The following SLC35B4 variants were observed in gnomAD, a reference collection of about 807,000 sequenced individuals.
The protein encoded by SLC35B4 is nucleotide sugar transporter SLC35B4.
SLC35B4 carries 28 observed loss-of-function variants against 39.5 expected under a neutral mutation model. The ratio of observed to expected loss-of-function variants is 0.71; its 90% confidence interval spans 0.53 to 0.97. SLC35B4 has a LOEUF of 0.97. Ranked by LOEUF, SLC35B4 falls within the 50% of genes least tolerant of loss-of-function variation. The probability of loss-of-function intolerance (pLI) is 0.00; values close to 1 mark genes in which losing one functional copy is unlikely to be tolerated. For missense variants in SLC35B4, 334 were observed against 414.3 expected, an observed-to-expected ratio of 0.81 and a Z score of 1.68; for synonymous variants, 145 against 150.4, an observed-to-expected ratio of 0.96 and a Z score of 0.26.
Position 134,316,756 on chromosome 7 carries a change from G to A in SLC35B4, c.-5C>T, listed in dbSNP as rs747829124. The A allele has an allele frequency of 1.9e-6, 3 of 1,547,594 alleles. No homozygotes were observed. The highest frequency in any genetic ancestry group is 1.4e-5 in the African/African-American group (1 of 73,038). On this transcript the variant is annotated 5_prime_UTR_variant, in exon 1 of 10. Coordinates refer to ENST00000378509, the MANE Select transcript of SLC35B4 (RefSeq NM_032826.5). ...CACCGCCAAGGCCGGGCGCATGGCC[G>A]GTGCAGGGTTGGGGAAGCAAGCGCA...
chr7:134,292,208 A>G lies in SLC35B4; in HGVS notation c.*2625T>C, dbSNP rs989317852. Reference sequence around the variant, plus strand: ...TTATTTGTCTTTTTAATAAAGGTTGAAAAAATGTCCACCCTGGATTAAAAA... The same window carrying G: ...TTATTTGTCTTTTTAATAAAGGTTGGAAAAATGTCCACCCTGGATTAAAAA... On this transcript the variant is annotated 3_prime_UTR_variant, in exon 10 of 10. Transcript: ENST00000378509. The G allele has an allele frequency of 5.8e-5, 9 of 154,532 alleles. No homozygotes were observed. Among genetic ancestry groups the G allele is most frequent in the Non-Finnish European group, 1.2e-4 (8 of 68,210 alleles). The allele number at this position is 154,532 out of a possible 1,614,324, so 9.6% of individuals were successfully genotyped here.
upstream of SLC35B4, among the ~76,000 whole-genome samples, chr7:134,318,785 G>GA (rs1211167667): frequency 6.6e-6 from 1 of 152,080 alleles, no homozygotes; most frequent in African/African-American, 2.4e-5. Context: ...GATTGCACAA[G>GA]AAAAAAATGG....
chr7:134,311,200 G>A (rs1042857142), intron 1 of SLC35B4, among the ~76,000 whole-genome samples: 1 of 152,200 alleles, frequency 6.6e-6, no homozygotes, highest in African/African-American at 2.4e-5. Flanking sequence ...AAGGCTAAAT[G>A]CAGGAATCCA....
chr7:134,314,573 T>C (rs569208001), intron 1 of SLC35B4, among the ~76,000 whole-genome samples: 2 of 152,334 alleles, frequency 1.3e-5, no homozygotes, highest in South Asian at 4.1e-4. Context: ...TCTTGCACTG[T>C]TGCCCAGGCT....
chr7:134,303,465 GTATA>G (rs10555619), intron 4 of SLC35B4, among the ~76,000 whole-genome samples: 1 of 150,894 alleles, frequency 6.6e-6, no homozygotes, highest in South Asian at 2.1e-4. Flanking sequence ...ACCATCATAT[GTATA>G]TATATATATA....
chr7:134,291,555 A>G lies in SLC35B4; in HGVS notation c.*3278T>C, dbSNP rs1214231826. Reference sequence around the variant, plus strand: ...TAGAATCCTTGAAAAACATCACGCCATCTTTCCAGAAGAAGAGAAGAGGTT... The same window carrying G: ...TAGAATCCTTGAAAAACATCACGCCGTCTTTCCAGAAGAAGAGAAGAGGTT... On this transcript the variant is annotated 3_prime_UTR_variant, in exon 10 of 10. Coordinates refer to ENST00000378509, the MANE Select transcript of SLC35B4 (RefSeq NM_032826.5). 6.6e-6 allele frequency: 1 copy of G among 152,226 alleles called. No individual in the cohort carries two copies. Among genetic ancestry groups the G allele is most frequent in the Non-Finnish European group, 1.5e-5 (1 of 68,048 alleles). The allele number at this position is 152,226 out of a possible 1,614,324, so 9.4% of individuals were successfully genotyped here.
In SLC35B4 at chr7:134,294,095, AC is replaced by A. The variant is rs1246572995; in HGVS notation, c.*737del. The A allele has an allele frequency of 1.3e-5, 2 of 152,298 alleles. No homozygotes were observed. The highest frequency in any genetic ancestry group is 4.8e-5 in the African/African-American group (2 of 41,408). 9.4% of individuals were successfully genotyped at this position (152,298 alleles called of 1,614,324 possible). ...GGTGTGAGCCACCGTGCCCGGCACAACCTTTCTTTGTTATGAACACTGTGTC... is the reference window on the plus strand; with the variant it reads ...GGTGTGAGCCACCGTGCCCGGCACAACTTTCTTTGTTATGAACACTGTGTC... On this transcript the variant is annotated 3_prime_UTR_variant, in exon 10 of 10. Transcript: ENST00000378509.
At chr7:134,299,749 T>C in intron 7 of SLC35B4, 151 bp from the exon 8 acceptor site, 1 of 661,648 alleles carries the variant, frequency 1.5e-6, no homozygotes, top group East Asian at 2.7e-5. Context: ...ACAGTGCTTC[T>C]TGACCACTTC....
intron 1 of SLC35B4, 53 bp downstream of exon 1, chr7:134,316,622 G>A (rs1008842018): frequency 6.5e-7 from 1 of 1,535,750 alleles, no homozygotes. Flanking sequence ...CTCTCCTCTG[G>A]CTTCCTCCGC....
At chr7:134,304,704 A>T in intron 4 of SLC35B4, 101 bp downstream of exon 4, 1 of 907,428 alleles carries the variant, frequency 1.1e-6, no homozygotes, top group East Asian at 2.5e-5. Context: ...GCCAGAAGCA[A>T]ACTTATCACT....
intron 2 of SLC35B4, among the ~76,000 whole-genome samples, chr7:134,307,566 A>C (rs115167038): frequency 0.026 from 3,987 of 152,330 alleles, 111 homozygotes; most frequent in African/African-American, 0.066. Flanking sequence ...TCAACTTCCT[A>C]TATTGAGTAA....
chr7:134,295,900 G>A (rs553011665), intron 9 of SLC35B4, among the ~76,000 whole-genome samples: 1 of 152,288 alleles, frequency 6.6e-6, no homozygotes, highest in East Asian at 1.9e-4. Context: ...CATGATCTCA[G>A]CTCACTGCAA....
intron 8 of SLC35B4, 76 bp from the exon 9 acceptor site, chr7:134,296,542 C>T (rs1803470174): frequency 1.0e-6 from 1 of 1,003,714 alleles, no homozygotes; most frequent in Non-Finnish European, 1.5e-6. Context: ...CAGGGTAATA[C>T]AGACTGAACA....
chr7:134,294,767 C>G lies in SLC35B4; in HGVS notation c.*66G>C. ...TAGCTCGGCATTAACAAAAGCGAAACGGTGGTCAGACCTTCACAGGGTCCC... is the reference window on the plus strand; with the variant it reads ...TAGCTCGGCATTAACAAAAGCGAAAGGGTGGTCAGACCTTCACAGGGTCCC... On this transcript the variant is annotated 3_prime_UTR_variant, in exon 10 of 10. Transcript: ENST00000378509. 1.3e-6 allele frequency: 2 copies of G among 1,579,486 alleles called. No homozygotes were observed. The highest frequency in any genetic ancestry group is 1.7e-6 in the Non-Finnish European group (2 of 1,159,360).
At position 134,309,287 on chromosome 7, in the gene SLC35B4, C is replaced by A. The variant is rs534559133; in HGVS notation, c.191+79G>T. On this transcript the variant is annotated intron_variant, in intron 2 of 9. Coordinates refer to ENST00000378509, the MANE Select transcript of SLC35B4 (RefSeq NM_032826.5). The stretch of plus-strand genomic sequence containing the variant: ...AAATAAATCTTATAAAAGAATGTCT[C>A]ATCCTCCTTTTATACAGGTACCACC... 287 of 660,228 alleles carry A rather than the reference C, an allele frequency of 4.3e-4. 2 individuals carry two copies. The African/African-American group carries it at 5.0e-3, about 12-fold the overall frequency. The allele number at this position is 660,228 out of a possible 1,614,324, so 40.9% of individuals were successfully genotyped here.
chr7:134,299,104 C>T (rs982512133), intron 8 of SLC35B4, among the ~76,000 whole-genome samples: 26 of 152,356 alleles, frequency 1.7e-4, no homozygotes, highest in Middle Eastern at 3.4e-3. Flanking sequence ...TTGCTCTGCT[C>T]CATGGCAGCT....
intron 1 of SLC35B4, among the ~76,000 whole-genome samples, chr7:134,310,165 G>A (rs1465158095): frequency 6.6e-6 from 1 of 152,190 alleles, no homozygotes; most frequent in Non-Finnish European, 1.5e-5. Context: ...ATGAACAAAA[G>A]ACTGAAAAAC....
intron 8 of SLC35B4, among the ~76,000 whole-genome samples, chr7:134,298,143 A>G (rs1656793715): frequency 6.6e-6 from 1 of 152,210 alleles, no homozygotes; most frequent in Non-Finnish European, 1.5e-5. Flanking sequence ...ATACATACAC[A>G]CGCATACACA....
chr7:134,300,152 A>ATTT lies in SLC35B4; in HGVS notation c.596_597insAAA (p.Tyr198_Asn199insLys). ...TTCCCAGGTTCAGGAAGTTGCTTAC[A>ATTT]TTATAAAACAAAGCCTCCTTGGAGT... is the stretch of plus-strand genomic sequence containing the variant. On this transcript the variant is annotated inframe_insertion and splice_region_variant, in exon 7 of 10. Transcript: ENST00000378509. 6.3e-7 allele frequency: 1 copy of ATTT among 1,593,096 alleles called. No individual in the cohort carries two copies. Among genetic ancestry groups the ATTT allele is most frequent in the Non-Finnish European group, 8.5e-7 (1 of 1,170,690 alleles).
Sources: gnomAD v4.1 joint callset for allele counts (sites outside exome capture counted in the v4.1 genomes callset) on GRCh38, gnomAD v4.1.1 for gene constraint, MANE v1.5 for transcripts, NCBI Gene and HGNC (gene_info 2026-07-23, HGNC 2026-07-21) for gene names.